The following PPARG variants were observed in gnomAD, a reference collection of about 807,000 sequenced individuals.
PPARG encodes the protein peroxisome proliferator activated receptor gamma, also known as peroxisome proliferator-activated receptor gamma.
Under a neutral mutation model 39.2 loss-of-function variants are expected in PPARG, and 17 were observed. That is an observed-to-expected ratio of 0.43 (90% CI 0.30 to 0.65). The LOEUF is 0.65. PPARG is among the 30% of genes least tolerant of loss of function. The pLI is 0.13. For synonymous variants in PPARG, 223 were observed against 215.7 expected, an observed-to-expected ratio of 1.03 and a Z score of -0.30; for missense variants, 406 against 585.9, an observed-to-expected ratio of 0.69 and a Z score of 3.17.
chr3:12,374,824 C>T (rs1378133505), intron 2 of PPARG, among the ~76,000 whole-genome samples: 1 of 152,046 alleles, frequency 6.6e-6, no homozygotes, highest in Non-Finnish European at 1.5e-5. Flanking sequence ...ACTTTCTGCT[C>T]AATTTTTATG....
chr3:12,318,002 C>A (rs2047434751), intron 2 of PPARG, among the ~76,000 whole-genome samples: 1 of 152,104 alleles, frequency 6.6e-6, no homozygotes, highest in African/African-American at 2.4e-5. Flanking sequence ...GAGGCAGGGC[C>A]TTCCTCTGTT....
At chr3:12,329,204 T>G (rs1340187961) in intron 2 of PPARG, among the ~76,000 whole-genome samples, 1 of 150,674 alleles carries the variant, frequency 6.6e-6, no homozygotes, top group Non-Finnish European at 1.5e-5. Flanking sequence ...AGTGTAATAG[T>G]GCTCTCACTT....
At chr3:12,371,775 C>T (rs2049223597) in intron 2 of PPARG, 1 of 576,210 alleles carries the variant, frequency 1.7e-6, no homozygotes, top group Admixed American at 2.2e-5. Context: ...AAACCCTGAG[C>T]AGGTCACTTT....
At chr3:12,397,930 C>T (rs1207990534) in intron 5 of PPARG, among the ~76,000 whole-genome samples, 1 of 152,088 alleles carries the variant, frequency 6.6e-6, no homozygotes, top group Admixed American at 6.6e-5. Flanking sequence ...TCAGGCAAAC[C>T]CTGCATTTTG....
intron 1 of PPARG, among the ~76,000 whole-genome samples, chr3:12,310,818 A>AAC (rs1553633800): frequency 2.7e-5 from 4 of 147,936 alleles, no homozygotes; most frequent in African/African-American, 7.7e-5. Flanking sequence ...AAAAAAAAAA[A>AAC]AAAAAACCCA....
intron 2 of PPARG, among the ~76,000 whole-genome samples, chr3:12,363,335 A>C (rs2048914471): frequency 6.6e-6 from 1 of 152,238 alleles, no homozygotes; most frequent in Admixed American, 6.5e-5. Flanking sequence ...ATAACTAATG[A>C]AAATCTTCAA....
intron 6 of PPARG, chr3:12,406,586 C>G (rs2050681627): frequency 7.9e-6 from 1 of 127,248 alleles, no homozygotes; most frequent in African/African-American, 3.1e-5. Context: ...GTCGCCCAGG[C>G]TGGAGTGCAG....
At chr3:12,365,109 C>A (rs370368665) in intron 2 of PPARG, among the ~76,000 whole-genome samples, 7 of 152,166 alleles carry the variant, frequency 4.6e-5, no homozygotes, top group African/African-American at 1.7e-4. Context: ...CCCTTGCGTG[C>A]ACAGTTCACA....
chr3:12,369,455 G>A (rs1330097121), intron 2 of PPARG, among the ~76,000 whole-genome samples: 1 of 152,068 alleles, frequency 6.6e-6, no homozygotes, highest in Non-Finnish European at 1.5e-5. Flanking sequence ...TTGCGTTACA[G>A]CACGACAGCC....
intron 4 of PPARG, among the ~76,000 whole-genome samples, chr3:12,389,434 C>T (rs986819182): frequency 4.6e-5 from 7 of 151,968 alleles, no homozygotes; most frequent in South Asian, 2.1e-4. Context: ...GTTAAACTGC[C>T]GAATACTAAA....
chr3:12,399,179 G>T (rs1184602113), intron 5 of PPARG, among the ~76,000 whole-genome samples: 2 of 152,176 alleles, frequency 1.3e-5, no homozygotes, highest in East Asian at 1.9e-4. Context: ...AGACTTCAGG[G>T]AATCAGAGAT....
chr3:12,348,884 T>G (rs1485898983), intron 2 of PPARG, among the ~76,000 whole-genome samples: 1 of 152,168 alleles, frequency 6.6e-6, no homozygotes, highest in African/African-American at 2.4e-5. Flanking sequence ...GCATGCTGTT[T>G]TATGTATCTT....
chr3:12,295,514 A>ATT (rs5741526), intron 1 of PPARG, among the ~76,000 whole-genome samples: 1 of 141,762 alleles, frequency 7.1e-6, no homozygotes, highest in Non-Finnish European at 1.5e-5. Flanking sequence ...TCAAAAAAAA[A>ATT]TTTTTTTTTT....
At chr3:12,382,338 T>G (rs1339888356) in intron 4 of PPARG, among the ~76,000 whole-genome samples, 1 of 152,224 alleles carries the variant, frequency 6.6e-6, no homozygotes, top group South Asian at 2.1e-4. Context: ...TAAGAAAATA[T>G]GTGAATCCAC....
In PPARG at chr3:12,365,441, A is replaced by T. The variant is rs1043836473; in HGVS notation, c.-8-14263A>T. ...CATGTCTCTGGTGGTGTATCTAAAA[A>T]GTCCTATCCGTGCTCAAGGTCATCT... On this transcript the variant is annotated intron_variant, in intron 2 of 7. Coordinates refer to ENST00000651735, the MANE Select transcript of PPARG (RefSeq NM_138711.6). Among the ~76,000 whole-genome samples the T allele has an allele frequency of 3.9e-5, 6 of 152,288 alleles. No homozygotes were observed. The South Asian group carries it at 1.2e-3, about 32-fold the overall frequency.
rs6442311 is a variant in PPARG, at chr3:12,371,456, A to G, written c.-8-8248A>G. 2.5e-3 allele frequency among the ~76,000 whole-genome samples: 385 copies of G among 152,324 alleles called. 2 individuals carry two copies. Among genetic ancestry groups the G allele is most frequent in the African/African-American group, 8.7e-3 (360 of 41,582 alleles). On this transcript the variant is annotated intron_variant, in intron 2 of 7. Transcript: ENST00000651735. The stretch of plus-strand genomic sequence containing the variant: ...TCCCTACGCCTTTTGATTAATTCAG[A>G]GTTCATGACTTTTGTTAGAAACAAA...
intron 2 of PPARG, among the ~76,000 whole-genome samples, chr3:12,342,313 G>A (rs1013927862): frequency 6.6e-6 from 1 of 152,194 alleles, no homozygotes; most frequent in African/African-American, 2.4e-5. Context: ...CAATTAGTCA[G>A]TGGCCTTAAA....
At chr3:12,347,496 C>G (rs1406684284) in intron 2 of PPARG, among the ~76,000 whole-genome samples, 2 of 152,108 alleles carry the variant, frequency 1.3e-5, no homozygotes, top group Non-Finnish European at 2.9e-5. Flanking sequence ...CCCAGCATTT[C>G]TCTCATGTTG....
At chr3:12,428,815 A>G (rs4135360) in intron 7 of PPARG, among the ~76,000 whole-genome samples, 6,120 of 152,302 alleles carry the variant, frequency 0.04, 398 homozygotes, top group African/African-American at 0.14. Context: ...TCTAAGTTTA[A>G]TGTTAATATG....
Sources: gnomAD v4.1 joint callset for allele counts (sites outside exome capture counted in the v4.1 genomes callset) on GRCh38, gnomAD v4.1.1 for gene constraint, MANE v1.5 for transcripts, NCBI Gene and HGNC (gene_info 2026-07-23, HGNC 2026-07-21) for gene names.